The following CYRIB variants were observed in gnomAD, a reference collection of about 807,000 sequenced individuals.
The protein encoded by CYRIB is CYFIP related Rac1 interactor B.
CYRIB carries 8 observed loss-of-function variants against 44.2 expected under a neutral mutation model. The ratio of observed to expected loss-of-function variants is 0.18; its 90% CI spans 0.11 to 0.33. The LOEUF (loss-of-function observed/expected upper bound fraction) is 0.33, where lower values mean the gene tolerates loss of function less well. Among genes scored for constraint, CYRIB ranks in the 10% least tolerant of loss-of-function variants. CYRIB has a pLI of 1.00. For missense variants in CYRIB, 185 were observed against 382.8 expected (o/e 0.48, Z 4.31); for synonymous variants, 131 against 127.2 (o/e 1.03, Z -0.20).
At chr8:129,960,469 C>T (rs2095176712) in intron 2 of CYRIB, among the ~76,000 whole-genome samples, 1 of 151,540 alleles carries the variant, frequency 6.6e-6, no homozygotes, top group South Asian at 2.1e-4. Flanking sequence ...GTGGCGGGCA[C>T]CTGTAATCCC....
intron 1 of CYRIB, among the ~76,000 whole-genome samples, chr8:129,992,006 T>C (rs888751762): frequency 2.8e-5 from 3 of 105,636 alleles, no homozygotes; most frequent in African/African-American, 1.1e-4. Flanking sequence ...TAAGCAGAGG[T>C]GTGGTATGAT....
Position 129,874,454 on chromosome 8 carries a change from C to G in CYRIB, c.74-2958G>C, listed in dbSNP as rs2058453934. 3.9e-5 allele frequency among the ~76,000 whole-genome samples: 6 copies of G among 152,020 alleles called. No individual in the cohort carries two copies. The South Asian group carries it at 8.3e-4, about 21-fold the overall frequency. The stretch of plus-strand genomic sequence containing the variant: ...ACTATGAAATGAAAAAATAAAAAGT[C>G]AAGATAAAAATTATAATTGTGATAA... On this transcript the variant is annotated intron_variant, in intron 3 of 11. Coordinates refer to ENST00000519824, the Ensembl canonical transcript of CYRIB.
chr8:129,850,844 A>T (rs2042905711), exon 9 of CYRIB: 1 of 1,611,766 alleles, frequency 6.2e-7, no homozygotes, highest in African/African-American at 1.3e-5. Flanking sequence ...CGGTGTTTCC[A>T]GCATGACTCT....
exon 12 of CYRIB, chr8:129,841,578 AT>A (rs1450847160): frequency 6.5e-6 from 1 of 152,736 alleles, no homozygotes; most frequent in Non-Finnish European, 1.5e-5. Flanking sequence ...ACGTTAGTTA[AT>A]AAAGGTTAAA....
At chr8:129,861,640 A>G (rs1452521072) in intron 5 of CYRIB, among the ~76,000 whole-genome samples, 1 of 148,048 alleles carries the variant, frequency 6.8e-6, no homozygotes, top group East Asian at 2.0e-4. Flanking sequence ...TTTTTTTGAG[A>G]CGGGATTTTG....
At chr8:129,959,670 C>T (rs529841782) in intron 2 of CYRIB, among the ~76,000 whole-genome samples, 1 of 152,154 alleles carries the variant, frequency 6.6e-6, no homozygotes, top group African/African-American at 2.4e-5. Flanking sequence ...AATACTTTTA[C>T]CCATCTTTGT....
chr8:129,974,127 C>T (rs756292603), intron 1 of CYRIB, among the ~76,000 whole-genome samples: 1 of 152,142 alleles, frequency 6.6e-6, no homozygotes, highest in Non-Finnish European at 1.5e-5. Context: ...CCAGCCGACC[C>T]AACACTCCTC....
intron 1 of CYRIB, among the ~76,000 whole-genome samples, chr8:129,991,701 G>A (rs2096636535): frequency 6.6e-6 from 1 of 152,046 alleles, no homozygotes; most frequent in Admixed American, 6.6e-5. Flanking sequence ...TGTAATCCCA[G>A]CACTTTGGGA....
intron 3 of CYRIB, among the ~76,000 whole-genome samples, chr8:129,875,697 T>C (rs2058862544): frequency 6.6e-6 from 1 of 152,250 alleles, no homozygotes; most frequent in African/African-American, 2.4e-5. Context: ...GAATACAGAA[T>C]GACATTTCAT....
At chr8:129,899,349 C>A (rs910370538) in intron 2 of CYRIB, among the ~76,000 whole-genome samples, 7 of 152,034 alleles carry the variant, frequency 4.6e-5, no homozygotes, top group Admixed American at 2.0e-4. Flanking sequence ...ATTTTAAAGG[C>A]TGATTTATAT....
At chr8:129,915,399 T>G (rs78806846) in intron 1 of CYRIB, among the ~76,000 whole-genome samples, 6,642 of 152,216 alleles carry the variant, frequency 0.044, 242 homozygotes, top group African/African-American at 0.098. Context: ...GAATATATAT[T>G]GTATGAGTCC....
intron 4 of CYRIB, among the ~76,000 whole-genome samples, chr8:129,868,423 A>G (rs1425903849): frequency 6.6e-6 from 1 of 152,202 alleles, no homozygotes; most frequent in Non-Finnish European, 1.5e-5. Context: ...CAAGCCTGGT[A>G]AGATGAATTA....
chr8:129,839,998 A>T (rs1048718590), exon 12 of CYRIB: 1 of 152,506 alleles, frequency 6.6e-6, no homozygotes, highest in Non-Finnish European at 1.5e-5. Context: ...CCTTCTCTCA[A>T]GTTCGCAGAC....
Position 129,910,557 on chromosome 8 carries a change from G to A in CYRIB, c.-49-7207C>T, listed in dbSNP as rs558070349. ...TCCTGCCTATAATTCCAACGCTTCA[G>A]GAAGCTGAGGTGGGAGGATCACTTA... On this transcript the variant is annotated intron_variant, in intron 1 of 11. Coordinates refer to ENST00000519824, the Ensembl canonical transcript of CYRIB. Among the ~76,000 whole-genome samples the A allele has an allele frequency of 2.3e-3, 343 of 149,596 alleles. 4 individuals carry two copies. The highest frequency in any genetic ancestry group is 8.1e-3 in the African/African-American group (325 of 40,370).
chr8:129,965,824 A>T (rs1033572890), intron 2 of CYRIB, among the ~76,000 whole-genome samples: 3 of 151,422 alleles, frequency 2.0e-5, no homozygotes, highest in African/African-American at 7.3e-5. Flanking sequence ...ACATTCAATC[A>T]ATTCGCTACT....
intron 2 of CYRIB, among the ~76,000 whole-genome samples, chr8:129,884,945 C>T (rs901281270): frequency 3.3e-5 from 5 of 152,174 alleles, no homozygotes; most frequent in Non-Finnish European, 7.4e-5. Flanking sequence ...GGCCGGTAGT[C>T]TGTGGAATGT....
At chr8:129,923,990 G>A (rs1479946852) in intron 1 of CYRIB, among the ~76,000 whole-genome samples, 1 of 150,106 alleles carries the variant, frequency 6.7e-6, no homozygotes, top group Admixed American at 6.7e-5. Context: ...ACTGGTTTAG[G>A]CCAGCTGCAG....
intron 2 of CYRIB, among the ~76,000 whole-genome samples, chr8:129,968,127 C>T (rs866289240): frequency 6.6e-5 from 10 of 152,242 alleles, no homozygotes; most frequent in Middle Eastern, 3.4e-3. Context: ...GATCATAATG[C>T]CTCCTCATAA....
At chr8:129,868,891 TAAAAA>T (rs34829895) in intron 4 of CYRIB, among the ~76,000 whole-genome samples, 1 of 120,000 alleles carries the variant, frequency 8.3e-6, no homozygotes, top group Non-Finnish European at 1.7e-5. Context: ...GTACTGCAAT[TAAAAA>T]AAAAAAAAAA....
Sources: gnomAD v4.1 joint callset for allele counts (sites outside exome capture counted in the v4.1 genomes callset) on GRCh38, gnomAD v4.1.1 for gene constraint, MANE v1.5 for transcripts, NCBI Gene and HGNC (gene_info 2026-07-23, HGNC 2026-07-21) for gene names.